PRKDC: variants seen among roughly 807,000 people sequenced by gnomAD.
PRKDC encodes DNA-dependent protein kinase catalytic subunit.
In PRKDC, 82 loss-of-function variants were observed where a neutral mutation model predicts 486.9. The ratio of observed to expected loss-of-function variants is 0.17; its 90% CI spans 0.14 to 0.20. The LOEUF is 0.20. PRKDC is among the 10% of genes least tolerant of loss of function. PRKDC has a pLI of 1.00. For missense variants in PRKDC, 4,504 were observed against 5,038.2 expected (o/e 0.89, Z 3.21); for synonymous variants, 1,895 against 1,837.0 (o/e 1.03, Z -0.81).
chr8:47,916,832 C>A (rs185529168), intron 22 of PRKDC, among the ~76,000 whole-genome samples: 25 of 152,302 alleles, frequency 1.6e-4, no homozygotes, highest in Admixed American at 1.5e-3. Flanking sequence ...GCTAGAGAAT[C>A]AACAGTGTTC....
At chr8:47,825,397 T>A (rs1398043037) in intron 63 of PRKDC, among the ~76,000 whole-genome samples, 1 of 148,788 alleles carries the variant, frequency 6.7e-6, no homozygotes. Context: ...TAATCCCAGC[T>A]ACTTGGGAGG....
chr8:47,828,284 C>T lies in PRKDC; in HGVS notation c.8461G>A (p.Asp2821Asn), dbSNP rs761811309. 10 of 1,606,186 alleles carry T rather than the reference C, an allele frequency of 6.2e-6. No individual in the cohort carries two copies. The South Asian group carries it at 9.0e-5, about 14-fold the overall frequency. Residue 2821 changes from aspartate (D) to asparagine (N), a missense_variant, in exon 62 of 86, where the codon GAT becomes AAT. By Grantham distance (23) the Asp-to-Asn change is conservative. Transcript: ENST00000314191. The part of the protein sequence containing the change: ...SLFSGILKEM[D>N]KFKTLSEKNN... ...TTTTCAGACAGTGTCTTAAATTTAT[C>T]CATCTCTTTCAAAATTCCAGAAAAC...
At chr8:47,836,207 T>C in intron 58 of PRKDC, 131 bp downstream of exon 58, 1 of 939,024 alleles carries the variant, frequency 1.1e-6, no homozygotes, top group Non-Finnish European at 1.5e-6. Flanking sequence ...GAATGACATC[T>C]TCCTTGGGTT....
intron 16 of PRKDC, among the ~76,000 whole-genome samples, chr8:47,932,644 A>G (rs190263049): frequency 6.6e-6 from 1 of 152,306 alleles, no homozygotes; most frequent in Admixed American, 6.5e-5. Flanking sequence ...ACCTTGTACC[A>G]CAATTTGGAG....
At position 47,826,777 on chromosome 8, in the gene PRKDC, C is replaced by A. The variant is rs185741285; in HGVS notation, c.8662G>T (p.Val2888Leu). ...GCCTCCTCTAGCAGGCGGATGCCCA[C>A]GGGCTGCTGTAGGCTGGCCAGGCAA... ...AGCLASLQQP[V>L]GIRLLEEALL... Residue 2888 changes from valine to leucine, a missense_variant, in exon 63 of 86, where the codon GTG (valine) becomes TTG (leucine). Coordinates refer to ENST00000314191, the MANE Select transcript of PRKDC (RefSeq NM_006904.7). 50 of 1,611,484 alleles carry A rather than the reference C, an allele frequency of 3.1e-5. No individual in the cohort carries two copies. The African/African-American group carries it at 4.7e-4, about 15-fold the overall frequency.
At chr8:47,843,430 T>A (rs1239078399) in intron 54 of PRKDC, among the ~76,000 whole-genome samples, 2 of 152,142 alleles carry the variant, frequency 1.3e-5, no homozygotes, top group Non-Finnish European at 2.9e-5. Flanking sequence ...ACCAAACCTA[T>A]GACTTATTGG....
chr8:47,817,345 G>A, intron 68 of PRKDC, 105 bp downstream of exon 68: 1 of 793,580 alleles, frequency 1.3e-6, no homozygotes, highest in African/African-American at 1.7e-5. Context: ...AAACAGCTGT[G>A]CTAGGCTCAA....
chr8:47,935,759 C>A lies in PRKDC; in HGVS notation c.1420G>T (p.Val474Phe), dbSNP rs1459799117. 11 of 1,613,888 alleles carry A rather than the reference C, an allele frequency of 6.8e-6. No homozygotes were observed. Among genetic ancestry groups the A allele is most frequent in the Non-Finnish European group, 9.3e-6 (11 of 1,179,844 alleles). ...ACAGTACTAATGCAATTCCTGAGAA[C>A]TGGCCCTTTTGCTGCCAAAGCTAGG... ...VFLALAAKGP[V>F]LRNCISTVVH... Residue 474 changes from valine (V) to phenylalanine (F), a missense_variant, in exon 13 of 86, where the codon GTT becomes TTT. By Grantham distance (50) the Val-to-Phe change is conservative. This residue lies in a region of PRKDC where 1,969 missense variants were observed against 2,068.9 expected (regional missense o/e 0.95). Transcript: ENST00000314191.
At chr8:47,925,763 T>C (rs1302715759) in intron 21 of PRKDC, among the ~76,000 whole-genome samples, 2 of 152,160 alleles carry the variant, frequency 1.3e-5, no homozygotes, top group Non-Finnish European at 2.9e-5. Flanking sequence ...CATGTAAATA[T>C]AAAAACATGC....
At chr8:47,813,050 T>G (rs895824486) in intron 68 of PRKDC, among the ~76,000 whole-genome samples, 1 of 151,900 alleles carries the variant, frequency 6.6e-6, no homozygotes, top group Admixed American at 6.6e-5. Context: ...ACAAAGTGAT[T>G]GAAAAATACA....
At chr8:47,953,162 G>T (rs1225033592) in intron 7 of PRKDC, among the ~76,000 whole-genome samples, 1 of 151,920 alleles carries the variant, frequency 6.6e-6, no homozygotes, top group African/African-American at 2.4e-5. Context: ...AAAGTAATTT[G>T]CCAGGTGTGG....
At chr8:47,901,417 T>A (rs1323949153) in intron 27 of PRKDC, among the ~76,000 whole-genome samples, 1 of 151,736 alleles carries the variant, frequency 6.6e-6, no homozygotes, top group African/African-American at 2.4e-5. Flanking sequence ...GAGGTTGCAG[T>A]GAGCCGAGAT....
intron 21 of PRKDC, among the ~76,000 whole-genome samples, chr8:47,924,174 C>T (rs375732665): frequency 1.3e-5 from 2 of 152,050 alleles, no homozygotes; most frequent in Admixed American, 6.6e-5. Flanking sequence ...CCTTACTTTC[C>T]GGATGTTCTA....
chr8:47,871,036 G>A (rs1483968333), intron 40 of PRKDC, among the ~76,000 whole-genome samples: 1 of 151,838 alleles, frequency 6.6e-6, no homozygotes, highest in Non-Finnish European at 1.5e-5. Flanking sequence ...ATACACAGAG[G>A]GGACAAAAGA....
chr8:47,888,880 G>A, intron 33 of PRKDC, 134 bp downstream of exon 33: 1 of 1,080,742 alleles, frequency 9.3e-7, no homozygotes, highest in Non-Finnish European at 1.3e-6. Context: ...AACAACTATT[G>A]AGGTCACTGG....
chr8:47,862,108 T>C lies in PRKDC; in HGVS notation c.5939A>G (p.Asn1980Ser). ...KPEKNLLIFE[N>S]LIDLKRRYNF... ...ATAGCGGCGCTTCAGGTCGATCAGA[T>C]TTTCAAAAATAAGCAAGTTCTGTGA... Residue 1980 changes from asparagine (N) to serine (S), a missense_variant, in exon 44 of 86, where the codon AAT becomes AGT. By Grantham distance (46) the Asn-to-Ser change is conservative. Coordinates refer to ENST00000314191, the MANE Select transcript of PRKDC (RefSeq NM_006904.7). 1.3e-6 allele frequency: 2 copies of C among 1,551,548 alleles called. No homozygotes were observed. Among genetic ancestry groups the C allele is most frequent in the South Asian group, 2.4e-5 (2 of 83,464 alleles).
chr8:47,896,519 T>C (rs1362711816), intron 30 of PRKDC, among the ~76,000 whole-genome samples: 1 of 151,772 alleles, frequency 6.6e-6, no homozygotes, highest in Non-Finnish European at 1.5e-5. Context: ...CGGTGGCGGG[T>C]GCCTGTAGTC....
At chr8:47,907,796 T>C (rs2089819297) in intron 25 of PRKDC, among the ~76,000 whole-genome samples, 1 of 152,100 alleles carries the variant, frequency 6.6e-6, no homozygotes, top group Non-Finnish European at 1.5e-5. Flanking sequence ...TTTAAATATG[T>C]GTATATACAC....
rs2086613853 is a variant in PRKDC, at chr8:47,776,702, GC to G, written c.12182+141del. 18 of 1,166,094 alleles carry G rather than the reference GC, an allele frequency of 1.5e-5. 1 individual carries two copies. In the South Asian group the frequency reaches 2.6e-4, roughly 17 times the overall value. The allele number at this position is 1,166,094 out of a possible 1,614,324, so 72.2% of individuals were successfully genotyped here. A position where few individuals can be genotyped will look rare whatever the true frequency, so the allele number is the denominator to read the frequency against. ...GCTTTGGGGAAGTCAGCCTCTCTAA[GC>G]CCTGCTTTCCTCCTCAATGAAAGCA... On this transcript the variant is annotated intron_variant, in intron 85 of 85. Transcript: ENST00000314191.
Sources: allele counts gnomAD v4.1 joint callset (sites outside exome capture counted in the v4.1 genomes callset), GRCh38; gene constraint gnomAD v4.1.1; regional missense constraint gnomAD v4.1.1; transcripts MANE v1.5; gene names NCBI Gene and HGNC (gene_info 2026-07-23, HGNC 2026-07-21).